Variants in ZFP3 observed in about 807,000 individuals in gnomAD.
ZFP3 encodes zinc finger protein 3 homolog.
A neutral mutation model predicts 36.7 loss-of-function variants in ZFP3; 18 were observed. The observed-to-expected ratio is 0.49, with a 90% CI of 0.34 to 0.73. The LOEUF (loss-of-function observed/expected upper bound fraction) is 0.73, where lower values mean the gene tolerates loss of function less well. Ranked by LOEUF, ZFP3 falls within the 30% of genes least tolerant of loss-of-function variation. The probability of loss-of-function intolerance (pLI) is 0.01; values close to 1 mark genes in which losing one functional copy is unlikely to be tolerated. For synonymous variants in ZFP3, 218 were observed against 199.0 expected (o/e 1.10, Z -0.81); for missense variants, 495 against 599.0 (o/e 0.83, Z 1.81).
chr17:5,085,660 AC>A (rs779227816), intron 1 of ZFP3, among the ~76,000 whole-genome samples: 27 of 152,018 alleles, frequency 1.8e-4, no homozygotes, highest in Non-Finnish European at 3.7e-4. Flanking sequence ...GAGCCACCAC[AC>A]CCGGCCCTGA....
Position 5,093,111 on chromosome 17 carries a change from G to C in ZFP3, c.*98G>C. 1 of 1,266,210 alleles carries C rather than the reference G, an allele frequency of 7.9e-7. No individual in the cohort carries two copies. Among genetic ancestry groups the C allele is most frequent in the Non-Finnish European group, 1.1e-6 (1 of 929,340 alleles). 78.4% of individuals were successfully genotyped at this position (1,266,210 alleles called of 1,614,324 possible). ...TGCACCCCAAGTATTCAAATCCAATGAATGGACAGAACCTCCTCTGTCCTC... is the reference window on the plus strand; with the variant it reads ...TGCACCCCAAGTATTCAAATCCAATCAATGGACAGAACCTCCTCTGTCCTC... On this transcript the variant is annotated 3_prime_UTR_variant, in exon 2 of 2. Coordinates refer to ENST00000318833, the MANE Select transcript of ZFP3 (RefSeq NM_153018.3).
chr17:5,092,677 AC>A lies in ZFP3; in HGVS notation c.1176del (p.Tyr393MetfsTer154). ...RHERIHTGEK[P>X]YECFECGKAF... ...ATGAGAGAATTCACACTGGAGAGAA[AC>A]CCTATGAATGCTTTGAGTGTGGAAA... On this transcript the variant is annotated frameshift_variant, in exon 2 of 2. Coordinates refer to ENST00000318833, the MANE Select transcript of ZFP3 (RefSeq NM_153018.3). LOFTEE classifies it high-confidence loss of function. The surrounding 1 kb of genome is among the most constrained non-coding windows in gnomAD (Gnocchi z 5.0). 2 of 1,613,726 alleles carry A rather than the reference AC, an allele frequency of 1.2e-6. No homozygotes were observed. The highest frequency in any genetic ancestry group is 8.5e-7 in the Non-Finnish European group (1 of 1,179,922).
In ZFP3 at chr17:5,091,693, TC is replaced by T; in HGVS notation, c.191del (p.Pro64LeufsTer10). On this transcript the variant is annotated frameshift_variant, in exon 2 of 2. Coordinates refer to ENST00000318833, the MANE Select transcript of ZFP3 (RefSeq NM_153018.3). LOFTEE classifies it high-confidence loss of function. ...SMEEVIEQMS[P>X]QERDFPSGLM... ...TGGAAGAGGTTATAGAGCAGATGTCTCCTCAGGAGAGAGACTTTCCATCAGG... is the reference window on the plus strand; with the variant it reads ...TGGAAGAGGTTATAGAGCAGATGTCTCTCAGGAGAGAGACTTTCCATCAGG... 6.2e-7 allele frequency: 1 copy of T among 1,614,188 alleles called. No homozygotes were observed. The highest frequency in any genetic ancestry group is 8.5e-7 in the Non-Finnish European group (1 of 1,180,040).
intron 1 of ZFP3, among the ~76,000 whole-genome samples, chr17:5,081,731 A>T (rs1370639044): frequency 6.6e-6 from 1 of 151,424 alleles, no homozygotes; most frequent in Non-Finnish European, 1.5e-5. Flanking sequence ...CCTCCCGAGT[A>T]GCTGGGACTA....
At chr17:5,080,952 T>G (rs1375910056) in intron 1 of ZFP3, among the ~76,000 whole-genome samples, 3 of 152,166 alleles carry the variant, frequency 2.0e-5, no homozygotes, top group Non-Finnish European at 4.4e-5. Flanking sequence ...GGTTAATGTC[T>G]GTAAGTTGCT....
rs571331265 is a variant in ZFP3 at position 5,087,399 on chromosome 17, C to G, written c.-8-4098C>G. 3.9e-5 allele frequency among the ~76,000 whole-genome samples: 6 copies of G among 152,244 alleles called. No homozygotes were observed. In the South Asian group the frequency reaches 1.2e-3, roughly 32 times the overall value. Reference sequence around the variant, plus strand: ...AGCCTTCACTCGATATTTTTAAATTCCCTCTGCCAATGCCTAAGTGACTTC... The same window carrying G: ...AGCCTTCACTCGATATTTTTAAATTGCCTCTGCCAATGCCTAAGTGACTTC... On this transcript the variant is annotated intron_variant, in intron 1 of 1. Transcript: ENST00000318833.
chr17:5,088,015 G>A (rs561156569), intron 1 of ZFP3, among the ~76,000 whole-genome samples: 2 of 152,230 alleles, frequency 1.3e-5, no homozygotes, highest in South Asian at 2.1e-4. Context: ...GCTTCTGTTC[G>A]CAGCCTCTGA....
At chr17:5,085,124 G>A (rs1322359241) in intron 1 of ZFP3, among the ~76,000 whole-genome samples, 2 of 151,478 alleles carry the variant, frequency 1.3e-5, no homozygotes, top group East Asian at 3.9e-4. Context: ...ACTACAACTT[G>A]TGCCTCCTGG....
At chr17:5,091,068 A>G (rs1001068710) in intron 1 of ZFP3, among the ~76,000 whole-genome samples, 1 of 151,288 alleles carries the variant, frequency 6.6e-6, no homozygotes, top group African/African-American at 2.4e-5. Context: ...AACCCAACTC[A>G]CCGTTAATAT....
At chr17:5,081,573 A>AT (rs1157934374) in intron 1 of ZFP3, among the ~76,000 whole-genome samples, 1 of 151,482 alleles carries the variant, frequency 6.6e-6, no homozygotes, top group African/African-American at 2.4e-5. Context: ...TTTTTTCACA[A>AT]TTGTTCTTTT....
chr17:5,079,398 C>T (rs979239940), intron 1 of ZFP3, among the ~76,000 whole-genome samples: 1 of 152,004 alleles, frequency 6.6e-6, no homozygotes, highest in Non-Finnish European at 1.5e-5. Context: ...GGTGTGGTGG[C>T]GCATGCTTGT....
chr17:5,082,800 G>T (rs1201378736), intron 1 of ZFP3, among the ~76,000 whole-genome samples: 1 of 152,210 alleles, frequency 6.6e-6, no homozygotes, highest in Non-Finnish European at 1.5e-5. Context: ...AAAGTGCCGG[G>T]ATTATAGGCG....
At position 5,096,012 on chromosome 17, in the gene ZFP3, A is replaced by G; in HGVS notation, c.*2999A>G. On this transcript the variant is annotated 3_prime_UTR_variant, in exon 2 of 2. Coordinates refer to ENST00000318833, the MANE Select transcript of ZFP3 (RefSeq NM_153018.3). ...CACTTGTATCTTATTAGGTACATAT[A>G]CGCAAATCCTTAACCTCAATTCTCT... The G allele has an allele frequency of 6.0e-6, 1 of 167,128 alleles. No individual in the cohort carries two copies. The allele number at this position is 167,128 out of a possible 1,614,324, so 10.4% of individuals were successfully genotyped here.
rs139535843 is a variant in ZFP3 at position 5,089,725 on chromosome 17, G to A, written c.-8-1772G>A. On this transcript the variant is annotated intron_variant, in intron 1 of 1. Coordinates refer to ENST00000318833, the MANE Select transcript of ZFP3 (RefSeq NM_153018.3). ...GGCTGGAGTACAGTGGCACAATCACGGCTCATTGCAGCCTTGACCCCCTGG... is the reference window on the plus strand; with the variant it reads ...GGCTGGAGTACAGTGGCACAATCACAGCTCATTGCAGCCTTGACCCCCTGG... 3.6e-3 allele frequency among the ~76,000 whole-genome samples: 508 copies of A among 142,782 alleles called. 1 individual carries two copies. Among genetic ancestry groups the A allele is most frequent in the Non-Finnish European group, 5.6e-3 (368 of 65,348 alleles). The allele number at this position is 142,782 out of a possible 152,430, so 93.7% of individuals were successfully genotyped here.
chr17:5,087,111 C>T (rs1432062353), intron 1 of ZFP3, among the ~76,000 whole-genome samples: 1 of 133,116 alleles, frequency 7.5e-6, no homozygotes, highest in Non-Finnish European at 1.5e-5. Context: ...GACAGAGTCT[C>T]ACTCTGTTGC....
chr17:5,079,765 C>T (rs991569517), intron 1 of ZFP3, among the ~76,000 whole-genome samples: 1 of 150,500 alleles, frequency 6.6e-6, no homozygotes, highest in African/African-American at 2.4e-5. Flanking sequence ...GTCAGCTGGG[C>T]GTGATGGCTC....
Position 5,093,071 on chromosome 17 carries a change from C to T in ZFP3, c.*58C>T. Reference sequence around the variant, plus strand: ...CTAAAGTCCAACTTATTCATTTGTTCATAATATGCAAATATGCACCCCAAG... The same window carrying T: ...CTAAAGTCCAACTTATTCATTTGTTTATAATATGCAAATATGCACCCCAAG... On this transcript the variant is annotated 3_prime_UTR_variant, in exon 2 of 2. Transcript: ENST00000318833. 1.3e-6 allele frequency: 2 copies of T among 1,491,396 alleles called. No individual in the cohort carries two copies. The highest frequency in any genetic ancestry group is 1.8e-4 in the Middle Eastern group (1 of 5,418). The allele number at this position is 1,491,396 out of a possible 1,614,324, so 92.4% of individuals were successfully genotyped here. A position where few individuals can be genotyped will look rare whatever the true frequency, so the allele number is the denominator to read the frequency against.
intron 1 of ZFP3, among the ~76,000 whole-genome samples, chr17:5,085,009 G>T (rs2072113513): frequency 6.6e-6 from 1 of 152,136 alleles, no homozygotes; most frequent in East Asian, 1.9e-4. Flanking sequence ...GTAAAAGAAT[G>T]ATCAGAGTGG....
At chr17:5,084,127 A>G (rs2143522306) in intron 1 of ZFP3, among the ~76,000 whole-genome samples, 1 of 152,108 alleles carries the variant, frequency 6.6e-6, no homozygotes, top group Non-Finnish European at 1.5e-5. Flanking sequence ...CGGCCTCCCA[A>G]AGTGCTGGGA....
Sources: allele counts gnomAD v4.1 joint callset (sites outside exome capture counted in the v4.1 genomes callset), GRCh38; gene constraint gnomAD v4.1.1; non-coding constraint Gnocchi (gnomAD v3.1); transcripts MANE v1.5; gene names NCBI Gene and HGNC (gene_info 2026-07-23, HGNC 2026-07-21).